Variants in PRDM16 observed in about 807,000 individuals in gnomAD.
PRDM16 encodes the protein PR/SET domain 16.
Under a neutral mutation model 110.6 loss-of-function variants are expected in PRDM16, and 23 were observed. That is an observed-to-expected ratio of 0.21 (90% CI 0.15 to 0.29). The LOEUF (loss-of-function observed/expected upper bound fraction) is 0.29. Among genes scored for constraint, PRDM16 ranks in the 10% least tolerant of loss-of-function variants. PRDM16 has a pLI of 1.00. For synonymous variants in PRDM16, 799 were observed against 781.8 expected (o/e 1.02, Z -0.37); for missense variants, 1,615 against 1,794.3 (o/e 0.90, Z 1.81).
intron 8 of PRDM16, among the ~76,000 whole-genome samples, chr1:3,410,556 G>A (rs1179429626): frequency 6.6e-6 from 1 of 152,196 alleles, no homozygotes; most frequent in East Asian, 1.9e-4. Flanking sequence ...GGATCCCCGA[G>A]TTGGGGCCTC....
At chr1:3,114,563 C>G (rs779869011) in intron 1 of PRDM16, among the ~76,000 whole-genome samples, 1 of 151,346 alleles carries the variant, frequency 6.6e-6, no homozygotes, top group Non-Finnish European at 1.5e-5. Flanking sequence ...CGTGCACAAA[C>G]AAGCACACAC....
In PRDM16 at chr1:3,081,774, T is replaced by C. The variant is rs779996138; in HGVS notation, c.37+12478T>C. Among the ~76,000 whole-genome samples, 1 of 151,894 alleles carries C rather than the reference T, an allele frequency of 6.6e-6. No homozygotes were observed. The highest frequency in any genetic ancestry group is 1.5e-5 in the Non-Finnish European group (1 of 67,966). On this transcript the variant is annotated intron_variant, in intron 1 of 16. Coordinates refer to ENST00000270722, the MANE Select transcript of PRDM16 (RefSeq NM_022114.4). This position sits in a 1 kb window ranked among gnomAD's most constrained non-coding sequence, Gnocchi z 4.6. ...GTGGGAGGCCCCCATGGAAGGCCCG[T>C]GTTGGGGGACCTTCCATGGGCAGCA...
intron 1 of PRDM16, among the ~76,000 whole-genome samples, chr1:3,114,193 G>GCACACGCACGCGCA (rs1407727932): frequency 2.8e-5 from 3 of 106,216 alleles, no homozygotes; most frequent in African/African-American, 1.2e-4. Context: ...ACGCACACAC[G>GCACACGCACGCGCA]CACACGCACG....
chr1:3,319,525 G>C (rs906410595), intron 3 of PRDM16, among the ~76,000 whole-genome samples: 1 of 152,170 alleles, frequency 6.6e-6, no homozygotes, highest in Non-Finnish European at 1.5e-5. Context: ...TGGGGGCCAG[G>C]GGATTGAGAG....
At position 3,382,572 on chromosome 1, in the gene PRDM16, G is replaced by A. The variant is rs182678261; in HGVS notation, c.439-2580G>A. Among the ~76,000 whole-genome samples the A allele has an allele frequency of 6.8e-4, 103 of 152,314 alleles. No homozygotes were observed. Among genetic ancestry groups the A allele is most frequent in the Non-Finnish European group, 1.4e-3 (92 of 68,020 alleles). On this transcript the variant is annotated intron_variant, in intron 3 of 16. Transcript: ENST00000270722. The surrounding 1 kb of genome is among the most constrained non-coding windows in gnomAD (Gnocchi z 6.6). ...ACCAAAGCGAGGCTTGAGCCAGCCG[G>A]GGCCCAGAACAGGGGGAAGGTGTTG... is the stretch of plus-strand genomic sequence containing the variant.
intron 1 of PRDM16, among the ~76,000 whole-genome samples, chr1:3,172,976 A>G (rs34478711): frequency 0.052 from 7,893 of 152,326 alleles, 226 homozygotes; most frequent in Admixed American, 0.072. Flanking sequence ...TCTTTCTAGA[A>G]GCACGCTGTC....
At position 3,402,813 on chromosome 1, in the gene PRDM16, C is replaced by A. The variant is rs374977013; in HGVS notation, c.699C>A (p.Asp233Glu). Residue 233 changes from aspartate (D) to glutamate (E), a missense_variant, in exon 6 of 17, where the codon GAC (aspartate) becomes GAA (glutamate). By Grantham distance (45) the Asp-to-Glu change is conservative. Coordinates refer to ENST00000270722, the MANE Select transcript of PRDM16 (RefSeq NM_022114.4). ...CAGAGGAGCCCACGTTCCGCTGTGA[C>A]GAGTGTGACGAACTCTTCCAGTCCA... ...GLDEEPTFRC[D>E]ECDELFQSKL... The A allele has an allele frequency of 6.2e-7, 1 of 1,612,342 alleles. No homozygotes were observed. The highest frequency in any genetic ancestry group is 1.3e-5 in the African/African-American group (1 of 74,908).
intron 1 of PRDM16, among the ~76,000 whole-genome samples, chr1:3,155,889 C>G (rs894797279): frequency 2.0e-5 from 3 of 152,176 alleles, no homozygotes; most frequent in African/African-American, 7.2e-5. Context: ...CAGAGCTGCT[C>G]GGTGTAATGG....
chr1:3,431,141 G>A, intron 15 of PRDM16, 33 bp downstream of exon 15: 2 of 1,540,752 alleles, frequency 1.3e-6, no homozygotes, highest in Non-Finnish European at 1.8e-6. Flanking sequence ...GGATGGGGCA[G>A]GGAGGGAACG....
At chr1:3,117,282 G>A (rs1569597997) in intron 1 of PRDM16, among the ~76,000 whole-genome samples, 1 of 152,212 alleles carries the variant, frequency 6.6e-6, no homozygotes, top group South Asian at 2.1e-4. Context: ...GGGAGTGCTG[G>A]CCCCAGCATC....
Position 3,412,463 on chromosome 1 carries a change from A to G in PRDM16, c.2266A>G (p.Lys756Glu). The change falls in exon 9 of 17, where the codon AAG becomes GAG. Residue 756 changes from lysine (K) to glutamate (E), a missense_variant. Coordinates refer to ENST00000270722, the MANE Select transcript of PRDM16 (RefSeq NM_022114.4). ...CAACTTGCTGGTCAAGGCCGAGCCA[A>G]AGTCACCCCGGGACGCCCTCAAGGT... ...AHNLLVKAEPKSPRDALKVGG... is the reference protein window; with the variant it reads ...AHNLLVKAEPESPRDALKVGG... 1.9e-6 allele frequency: 3 copies of G among 1,613,070 alleles called. No individual in the cohort carries two copies. The highest frequency in any genetic ancestry group is 2.5e-6 in the Non-Finnish European group (3 of 1,179,882).
chr1:3,418,114 CACTGCA>C, intron 11 of PRDM16, 117 bp downstream of exon 11: 1 of 830,382 alleles, frequency 1.2e-6, no homozygotes. Context: ...GAAAGCACAG[CACTGCA>C]ATCAGCTGGT....
chr1:3,416,127 C>T (rs1638251892), intron 10 of PRDM16, among the ~76,000 whole-genome samples: 1 of 152,212 alleles, frequency 6.6e-6, no homozygotes, highest in African/African-American at 2.4e-5. Flanking sequence ...TGTGGACGGA[C>T]ACGAGTTTCT....
chr1:3,113,620 GCTGGTCGTC>G, intron 1 of PRDM16, among the ~76,000 whole-genome samples: 1 of 152,330 alleles, frequency 6.6e-6, no homozygotes, highest in South Asian at 2.1e-4. Flanking sequence ...CCCTTGTCTT[GCTGGTCGTC>G]CTGGGCACTG....
At chr1:3,085,808 G>A (rs950086200) in intron 1 of PRDM16, among the ~76,000 whole-genome samples, 3 of 152,232 alleles carry the variant, frequency 2.0e-5, no homozygotes, top group Non-Finnish European at 4.4e-5. Context: ...CCTCAGCCAG[G>A]ACTGCCTCCT....
chr1:3,134,019 A>T lies in PRDM16; in HGVS notation c.38-52106A>T, dbSNP rs112942915. 2.0e-3 allele frequency among the ~76,000 whole-genome samples: 298 copies of T among 152,312 alleles called. 2 individuals are homozygous for T. Among genetic ancestry groups the T allele is most frequent in the African/African-American group, 6.8e-3 (281 of 41,568 alleles). On this transcript the variant is annotated intron_variant, in intron 1 of 16. Transcript: ENST00000270722. Reference sequence around the variant, plus strand: ...CCCAAGACTGCAAAGCACTGGGGAAAAAAGGTCAGGCAGCGCGTCCAGTTC... The same window carrying T: ...CCCAAGACTGCAAAGCACTGGGGAATAAAGGTCAGGCAGCGCGTCCAGTTC...
chr1:3,171,499 G>A (rs1400634588), intron 1 of PRDM16, among the ~76,000 whole-genome samples: 1 of 152,212 alleles, frequency 6.6e-6, no homozygotes, highest in Admixed American at 6.5e-5. Flanking sequence ...TCTGGCAGCT[G>A]GCAGAGGTGG....
chr1:3,127,393 A>G (rs1569627957), intron 1 of PRDM16, among the ~76,000 whole-genome samples: 2 of 152,182 alleles, frequency 1.3e-5, no homozygotes, highest in East Asian at 3.9e-4. Flanking sequence ...TGCCCTCGTG[A>G]GATAGATCCC....
chr1:3,122,035 A>G (rs1229608359), intron 1 of PRDM16, among the ~76,000 whole-genome samples: 1 of 152,116 alleles, frequency 6.6e-6, no homozygotes, highest in East Asian at 1.9e-4. Flanking sequence ...CACCCGGCGG[A>G]GTATGGATCT....
Sources: gnomAD v4.1 joint callset for allele counts (sites outside exome capture counted in the v4.1 genomes callset) on GRCh38, gnomAD v4.1.1 for gene constraint, Gnocchi (gnomAD v3.1) non-coding constraint, MANE v1.5 for transcripts, NCBI Gene and HGNC (gene_info 2026-07-23, HGNC 2026-07-21) for gene names.